The following SNX29 variants were observed in gnomAD, a reference collection of about 807,000 sequenced individuals.
SNX29 encodes the protein sorting nexin 29.
A neutral mutation model predicts 102.1 loss-of-function variants in SNX29; 78 were observed. That is an observed-to-expected ratio of 0.76 (90% confidence interval 0.64 to 0.92). The LOEUF (loss-of-function observed/expected upper bound fraction) is 0.92, where lower values mean the gene tolerates loss of function less well. Among genes scored for constraint, SNX29 ranks in the 40% least tolerant of loss-of-function variants. The pLI, the probability that SNX29 is intolerant of heterozygous loss-of-function variation, is 0.00. For synonymous variants in SNX29, 580 were observed against 414.5 expected (o/e 1.40, Z -4.85); for missense variants, 1,280 against 1,061.7 (o/e 1.21, Z -2.86).
chr16:12,225,346 C>T (rs1024471567), intron 14 of SNX29, among the ~76,000 whole-genome samples: 1 of 152,106 alleles, frequency 6.6e-6, no homozygotes, highest in Non-Finnish European at 1.5e-5. Context: ...ACAAGTCCCA[C>T]GTGTTGTGGG....
chr16:11,979,678 G>T (rs2055373853), intron 1 of SNX29, among the ~76,000 whole-genome samples: 1 of 152,164 alleles, frequency 6.6e-6, no homozygotes, highest in African/African-American at 2.4e-5. Context: ...TCGCCTCCTG[G>T]GTTCAAGCAA....
At chr16:12,021,786 A>C (rs1036971081) in intron 3 of SNX29, among the ~76,000 whole-genome samples, 1 of 151,812 alleles carries the variant, frequency 6.6e-6, no homozygotes, top group South Asian at 2.1e-4. Context: ...CAGCTACTCC[A>C]GAGGCTTGAG....
At chr16:12,548,525 G>A (rs752020789) in intron 20 of SNX29, among the ~76,000 whole-genome samples, 2 of 152,200 alleles carry the variant, frequency 1.3e-5, no homozygotes, top group Non-Finnish European at 2.9e-5. Context: ...TGCTTTGAGG[G>A]TGCAGCCTTC....
At chr16:12,448,905 C>T (rs563942547) in intron 18 of SNX29, among the ~76,000 whole-genome samples, 1 of 152,328 alleles carries the variant, frequency 6.6e-6, no homozygotes, top group East Asian at 1.9e-4. Flanking sequence ...TTTTCGCATT[C>T]ACTAGGCTCT....
In SNX29 at chr16:12,570,172, G is replaced by C; in HGVS notation, c.*1543G>C. The C allele has an allele frequency of 9.4e-7, 1 of 1,065,316 alleles. No individual in the cohort carries two copies. Among genetic ancestry groups the C allele is most frequent in the Non-Finnish European group, 1.1e-6 (1 of 879,172 alleles). 66.0% of individuals were successfully genotyped at this position (1,065,316 alleles called of 1,614,324 possible). On this transcript the variant is annotated 3_prime_UTR_variant, in exon 21 of 21. Coordinates refer to ENST00000566228, the MANE Select transcript of SNX29 (RefSeq NM_032167.5). The stretch of plus-strand genomic sequence containing the variant: ...TCACACACAGCGCCCCCCCACCCCA[G>C]AGAAACCGAGTCAGCCTACATGACT...
intron 15 of SNX29, among the ~76,000 whole-genome samples, chr16:12,308,837 G>A (rs560119338): frequency 1.3e-3 from 203 of 152,256 alleles, no homozygotes; most frequent in South Asian, 4.2e-4. Context: ...TGCAAGTCCC[G>A]GTGGCTGCAA....
intron 13 of SNX29, among the ~76,000 whole-genome samples, chr16:12,134,890 C>G (rs1386744386): frequency 6.6e-6 from 1 of 152,168 alleles, no homozygotes; most frequent in Non-Finnish European, 1.5e-5. Context: ...AAGGTATTGG[C>G]TCATATAATT....
chr16:12,269,069 A>G (rs2079016924), intron 14 of SNX29, among the ~76,000 whole-genome samples: 1 of 152,256 alleles, frequency 6.6e-6, no homozygotes, highest in Admixed American at 6.5e-5. Context: ...TGTTGAACAT[A>G]AATGTCTATA....
At chr16:12,286,766 T>G (rs896029291) in intron 15 of SNX29, among the ~76,000 whole-genome samples, 1 of 152,194 alleles carries the variant, frequency 6.6e-6, no homozygotes, top group Non-Finnish European at 1.5e-5. Flanking sequence ...TGGCCAGTCT[T>G]GCTTCATCTG....
Position 12,569,669 on chromosome 16 carries a change from G to A in SNX29, c.*1040G>A. On this transcript the variant is annotated 3_prime_UTR_variant, in exon 21 of 21. Coordinates refer to ENST00000566228, the MANE Select transcript of SNX29 (RefSeq NM_032167.5). ...TCCTCTGTTCCTCCCATGTCAGGTG[G>A]CTCTCAGAGTACAGGGACCTTGGCA... 1 of 229,718 alleles carries A rather than the reference G, an allele frequency of 4.4e-6. No individual in the cohort carries two copies. The allele number at this position is 229,718 out of a possible 1,614,324, so 14.2% of individuals were successfully genotyped here.
At chr16:12,541,258 G>T (rs1261795407) in intron 20 of SNX29, among the ~76,000 whole-genome samples, 1 of 152,132 alleles carries the variant, frequency 6.6e-6, no homozygotes, top group East Asian at 1.9e-4. Flanking sequence ...ATCTTATCAG[G>T]GAGAGAATGA....
chr16:12,148,068 G>A lies in SNX29; in HGVS notation c.1595+18310G>A, dbSNP rs147983725. Among the ~76,000 whole-genome samples, 736 of 152,314 alleles carry A rather than the reference G, an allele frequency of 4.8e-3. 4 individuals carry two copies. Among genetic ancestry groups the A allele is most frequent in the African/African-American group, 0.016 (673 of 41,564 alleles). On this transcript the variant is annotated intron_variant, in intron 13 of 20. Coordinates refer to ENST00000566228, the MANE Select transcript of SNX29 (RefSeq NM_032167.5). ...GCCGAAGCAAAGATGTGTGAGACTC[G>A]TACCTGCTGCTGCTCAGCTCCAGCC... is the stretch of plus-strand genomic sequence containing the variant.
At chr16:12,161,876 A>G (rs936581182) in intron 13 of SNX29, among the ~76,000 whole-genome samples, 4 of 152,188 alleles carry the variant, frequency 2.6e-5, no homozygotes, top group Non-Finnish European at 5.9e-5. Context: ...CGTTTCTTAC[A>G]CAGTCTGCAG....
rs759159373 is a variant in SNX29, at chr16:12,403,564, G to A, written c.2037+35G>A. 11 of 1,572,006 alleles carry A rather than the reference G, an allele frequency of 7.0e-6. No individual in the cohort carries two copies. The African/African-American group carries it at 1.4e-4, about 19-fold the overall frequency. The stretch of plus-strand genomic sequence containing the variant: ...TGGTTTTCAGGTGGACATCACAGCT[G>A]GGTGGAAAAACGCCCATTTGTCATG... On this transcript the variant is annotated intron_variant, in intron 18 of 20. Transcript: ENST00000566228.
chr16:12,558,559 A>ACC (rs1271748256), intron 20 of SNX29, among the ~76,000 whole-genome samples: 3 of 152,072 alleles, frequency 2.0e-5, no homozygotes, highest in Non-Finnish European at 4.4e-5. Flanking sequence ...GCCTCTCAGT[A>ACC]CCCCGTCCAT....
chr16:12,522,251 A>G (rs922120495), intron 19 of SNX29, among the ~76,000 whole-genome samples: 20 of 152,158 alleles, frequency 1.3e-4, no homozygotes, highest in African/African-American at 3.1e-4. Context: ...TTGCTGAAAA[A>G]TTGTTCATTG....
At chr16:12,183,140 C>A (rs575926691) in intron 13 of SNX29, among the ~76,000 whole-genome samples, 1 of 152,130 alleles carries the variant, frequency 6.6e-6, no homozygotes, top group African/African-American at 2.4e-5. Context: ...GCTGGGAGCA[C>A]GGGCGTGCGC....
At chr16:12,247,954 C>G (rs1392347183) in intron 14 of SNX29, among the ~76,000 whole-genome samples, 3 of 152,172 alleles carry the variant, frequency 2.0e-5, no homozygotes, top group Non-Finnish European at 2.9e-5. Context: ...TACCATGGAA[C>G]AAGGGCAGGG....
chr16:12,049,361 C>G (rs2050213934), intron 7 of SNX29, among the ~76,000 whole-genome samples: 1 of 149,108 alleles, frequency 6.7e-6, no homozygotes, highest in Non-Finnish European at 1.5e-5. Flanking sequence ...GAGACAGAGT[C>G]TCACTCTATT....
Sources: gnomAD v4.1 joint callset for allele counts (sites outside exome capture counted in the v4.1 genomes callset) on GRCh38, gnomAD v4.1.1 for gene constraint, MANE v1.5 for transcripts, NCBI Gene and HGNC (gene_info 2026-07-23, HGNC 2026-07-21) for gene names.